Variants in ARID4A observed in about 807,000 individuals in gnomAD.
The protein encoded by ARID4A is AT-rich interaction domain 4A.
In ARID4A, 39 loss-of-function variants were observed where a neutral mutation model predicts 148.6. The observed-to-expected ratio is 0.26, with a 90% CI of 0.20 to 0.34. The LOEUF is 0.34. ARID4A is among the 10% of genes least tolerant of loss of function. ARID4A has a pLI of 1.00. For missense variants in ARID4A, 1,265 were observed against 1,449.1 expected (o/e 0.87, Z 2.06); for synonymous variants, 475 against 481.2 (o/e 0.99, Z 0.17).
At chr14:58,312,688 G>T (rs540538932) in intron 5 of ARID4A, among the ~76,000 whole-genome samples, 163 of 152,236 alleles carry the variant, frequency 1.1e-3, no homozygotes, top group Non-Finnish European at 1.9e-3. Context: ...CAGAATTCAT[G>T]ACTTCTTTCT....
intron 9 of ARID4A, 128 bp downstream of exon 9, chr14:58,328,444 C>A (rs1243490774): frequency 5.4e-6 from 3 of 557,874 alleles, no homozygotes; most frequent in Non-Finnish European, 9.1e-6. Context: ...GAAGTTGTTA[C>A]CTAATAGGTT....
At chr14:58,371,480 A>C (rs1436653759) in intron 23 of ARID4A, among the ~76,000 whole-genome samples, 1 of 152,180 alleles carries the variant, frequency 6.6e-6, no homozygotes, top group African/African-American at 2.4e-5. Flanking sequence ...GATACCTGTC[A>C]GAGGAAATCC....
chr14:58,365,489 T>TTTAAAAAATAA, intron 20 of ARID4A, 29 bp from the exon 21 acceptor site: 2 of 985,680 alleles, frequency 2.0e-6, no homozygotes, highest in Non-Finnish European at 2.9e-6. Flanking sequence ...TTTTTTTTTT[T>TTTAAAAAATAA]CAACATTCTC....
intron 11 of ARID4A, among the ~76,000 whole-genome samples, chr14:58,334,110 A>G (rs764176672): frequency 4.6e-5 from 7 of 152,148 alleles, no homozygotes; most frequent in African/African-American, 9.7e-5. Flanking sequence ...GGGTCATCTA[A>G]TCAGATTAAT....
chr14:58,338,143 C>T (rs1273421646), intron 11 of ARID4A, among the ~76,000 whole-genome samples: 1 of 152,042 alleles, frequency 6.6e-6, no homozygotes, highest in Non-Finnish European at 1.5e-5. Context: ...TTTAAAAACT[C>T]AGAAAATGAG....
chr14:58,361,179 T>C, intron 19 of ARID4A, 137 bp downstream of exon 19: 1 of 1,354,310 alleles, frequency 7.4e-7, no homozygotes, highest in Non-Finnish European at 9.7e-7. Context: ...TGTGAAATAT[T>C]CACAGTACAG....
intron 4 of ARID4A, 150 bp downstream of exon 4, chr14:58,305,159 T>C (rs1439209385): frequency 1.6e-6 from 1 of 606,680 alleles, no homozygotes; most frequent in East Asian, 3.2e-5. Context: ...TAGTATAAAT[T>C]GTGATATTGC....
Position 58,365,047 on chromosome 14 carries a change from C to G in ARID4A, c.2958C>G (p.Asn986Lys), listed in dbSNP as rs183439434. ...EDVAVESSESNSLVSIPPALP... is the reference protein window; with the variant it reads ...EDVAVESSESKSLVSIPPALP... ...TAGCAGTTGAAAGCTCTGAGTCTAA[C>G]TCTCTTGTTTCTATTCCACCTGCCC... The change falls in exon 20 of 24, where the codon AAC (asparagine) becomes AAG (lysine). Residue 986 changes from asparagine to lysine, a missense_variant. By Grantham distance (94) the Asn-to-Lys change is moderately conservative (BLOSUM62 0). Around this residue, in one of 9 missense-constraint regions of ARID4A, gnomAD observed 666 missense variants for 730.9 expected, o/e 0.91. Coordinates refer to ENST00000355431, the MANE Select transcript of ARID4A (RefSeq NM_002892.4). 3.7e-5 allele frequency: 60 copies of G among 1,614,162 alleles called. No individual in the cohort carries two copies. The Admixed American group carries it at 9.7e-4, about 26-fold the overall frequency.
At chr14:58,300,379 G>T (rs982654936) in intron 2 of ARID4A, among the ~76,000 whole-genome samples, 3 of 122,924 alleles carry the variant, frequency 2.4e-5, no homozygotes, top group African/African-American at 9.3e-5. Flanking sequence ...ATACTAAAAA[G>T]ATACATATTC....
chr14:58,313,553 G>C (rs1489186347), intron 5 of ARID4A, among the ~76,000 whole-genome samples: 1 of 152,086 alleles, frequency 6.6e-6, no homozygotes, highest in Non-Finnish European at 1.5e-5. Context: ...TTGTGACCTG[G>C]GGGTTGCAGA....
rs7155580 is a variant in ARID4A at position 58,304,914 on chromosome 14, A to T, written c.118-30A>T. On this transcript the variant is annotated intron_variant, in intron 3 of 23. Transcript: ENST00000355431. ...TAAATGTATTTGTTTTAAAAGTAAT[A>T]TGCAAATTATTGTGCAAAATGTTTT... 5 of 1,564,824 alleles carry T rather than the reference A, an allele frequency of 3.2e-6. No individual in the cohort carries two copies. In the East Asian group the frequency reaches 9.0e-5, roughly 28 times the overall value.
Position 58,364,232 on chromosome 14 carries a change from C to A in ARID4A, c.2143C>A (p.Leu715Ile). 6.6e-7 allele frequency: 1 copy of A among 1,508,824 alleles called. No individual in the cohort carries two copies. Among genetic ancestry groups the A allele is most frequent in the East Asian group, 2.4e-5 (1 of 42,138 alleles). The allele number at this position is 1,508,824 out of a possible 1,614,324, so 93.5% of individuals were successfully genotyped here. A position where few individuals can be genotyped will look rare whatever the true frequency, so the allele number is the denominator to read the frequency against. The stretch of plus-strand genomic sequence containing the variant: ...AGAAAAGAATTTAATAAATGAAGAA[C>A]TTTCTCTTAAAGATGAACTAGAAAA... ...ALEKNLINEE[L>I]SLKDELEKNE... Residue 715 changes from leucine to isoleucine, a missense_variant, in exon 20 of 24, where the codon CTT (leucine) becomes ATT (isoleucine). Transcript: ENST00000355431.
intron 7 of ARID4A, among the ~76,000 whole-genome samples, chr14:58,320,853 C>T (rs1044605151): frequency 4.0e-5 from 6 of 151,854 alleles, no homozygotes; most frequent in Non-Finnish European, 5.9e-5. Flanking sequence ...GTGATCTGCC[C>T]GCCTCGGCCT....
chr14:58,339,864 GA>G (rs1346927536), intron 11 of ARID4A, among the ~76,000 whole-genome samples: 1 of 151,998 alleles, frequency 6.6e-6, no homozygotes, highest in Non-Finnish European at 1.5e-5. Context: ...GAGAGAGAGA[GA>G]GAGAGAGAGC....
At chr14:58,363,695 CAA>C (rs1044241301) in intron 19 of ARID4A, among the ~76,000 whole-genome samples, 1 of 143,832 alleles carries the variant, frequency 7.0e-6, no homozygotes, top group Admixed American at 7.0e-5. Flanking sequence ...GACTATGTCT[CAA>C]AAAAAAAAGA....
At chr14:58,358,237 G>C (rs1291698103) in intron 17 of ARID4A, among the ~76,000 whole-genome samples, 1 of 152,142 alleles carries the variant, frequency 6.6e-6, no homozygotes, top group Non-Finnish European at 1.5e-5. Context: ...GGGAGACTGA[G>C]GTGAGCAGGT....
intron 3 of ARID4A, chr14:58,303,522 G>A (rs746563331): frequency 1.7e-5 from 8 of 470,796 alleles, no homozygotes; most frequent in South Asian, 1.1e-4. Flanking sequence ...TTATATATCT[G>A]ATGTTTTCCT....
chr14:58,372,054 A>G lies in ARID4A; in HGVS notation c.*65A>G. The G allele has an allele frequency of 8.7e-7, 1 of 1,150,448 alleles. No homozygotes were observed. Among genetic ancestry groups the G allele is most frequent in the East Asian group, 2.4e-5 (1 of 41,204 alleles). The allele number at this position is 1,150,448 out of a possible 1,614,324, so 71.3% of individuals were successfully genotyped here. On this transcript the variant is annotated 3_prime_UTR_variant, in exon 24 of 24. Transcript: ENST00000355431. The stretch of plus-strand genomic sequence containing the variant: ...GACATAAATCCCCAAACCCTGAATT[A>G]CAACCACAGAAAGCACTCAACTGGT...
At position 58,329,743 on chromosome 14, in the gene ARID4A, T is replaced by A. The variant is rs912203995; in HGVS notation, c.739+139T>A. 3 of 958,178 alleles carry A rather than the reference T, an allele frequency of 3.1e-6. No individual in the cohort carries two copies. In the South Asian group the frequency reaches 5.3e-5, roughly 17 times the overall value. 59.4% of individuals were successfully genotyped at this position (958,178 alleles called of 1,614,324 possible). On this transcript the variant is annotated intron_variant, in intron 10 of 23. Transcript: ENST00000355431. Reference sequence around the variant, plus strand: ...TATCCACTCTTACTTGATTTTTTTTTAATGTCTAGATACAATATTTGATTT... The same window carrying A: ...TATCCACTCTTACTTGATTTTTTTTAAATGTCTAGATACAATATTTGATTT...
Sources: gnomAD v4.1 joint callset for allele counts (sites outside exome capture counted in the v4.1 genomes callset) on GRCh38, gnomAD v4.1.1 for gene constraint, gnomAD v4.1.1 regional missense constraint, MANE v1.5 for transcripts, NCBI Gene and HGNC (gene_info 2026-07-23, HGNC 2026-07-21) for gene names.